The following FAM135A variants were observed in gnomAD, a reference collection of about 807,000 sequenced individuals.
FAM135A encodes the protein family with sequence similarity 135 member A.
Under a neutral mutation model 146.8 loss-of-function variants are expected in FAM135A, and 79 were observed. The ratio of observed to expected loss-of-function variants is 0.54; its 90% CI spans 0.45 to 0.65. The LOEUF (loss-of-function observed/expected upper bound fraction) is 0.65. Among genes scored for constraint, FAM135A ranks in the 30% least tolerant of loss-of-function variants. The probability of loss-of-function intolerance (pLI) is 0.00; values close to 1 mark genes in which losing one functional copy is unlikely to be tolerated. For synonymous variants in FAM135A, 562 were observed against 603.6 expected, an observed-to-expected ratio of 0.93 and a Z score of 1.01; for missense variants, 1,623 against 1,758.2, an observed-to-expected ratio of 0.92 and a Z score of 1.38.
intron 1 of FAM135A, among the ~76,000 whole-genome samples, chr6:70,414,811 A>G (rs1266039624): frequency 2.0e-5 from 3 of 152,238 alleles, no homozygotes; most frequent in Non-Finnish European, 4.4e-5. Context: ...TGGGAAAGCA[A>G]CTTGAGTACA....
rs186843489 is a variant in FAM135A at position 70,456,472 on chromosome 6, G to T, written c.157+3901G>T. 4.5e-4 allele frequency among the ~76,000 whole-genome samples: 69 copies of T among 152,180 alleles called. 1 individual carries two copies. Among genetic ancestry groups the T allele is most frequent in the Admixed American group, 3.8e-3 (58 of 15,294 alleles). On this transcript the variant is annotated intron_variant, in intron 5 of 21. Transcript: ENST00000418814. ...TCCAAATAATTACCTCAGAGGACTG[G>T]AAATTTTAACTGTGCTTGGTTATTA... is the stretch of plus-strand genomic sequence containing the variant.
rs151163273 is a variant in FAM135A, at chr6:70,436,528, T to C, written c.77+8109T>C. 3.1e-3 allele frequency among the ~76,000 whole-genome samples: 476 copies of C among 152,294 alleles called. 4 individuals are homozygous for C. Among genetic ancestry groups the C allele is most frequent in the African/African-American group, 0.011 (451 of 41,564 alleles). On this transcript the variant is annotated intron_variant, in intron 4 of 21. Coordinates refer to ENST00000418814, the MANE Select transcript of FAM135A (RefSeq NM_001162529.3). ...GGGTACATTTAGTCTGAATCAGCAG[T>C]TTACAGATGGAGTACAAGGGTATTG...
chr6:70,519,059 C>A (rs932000231), intron 12 of FAM135A, among the ~76,000 whole-genome samples: 1 of 152,160 alleles, frequency 6.6e-6, no homozygotes, highest in South Asian at 2.1e-4. Context: ...AAAAAATCAC[C>A]GTTGTAGATG....
intron 12 of FAM135A, among the ~76,000 whole-genome samples, chr6:70,518,206 G>C (rs1054642110): frequency 6.6e-6 from 1 of 152,218 alleles, no homozygotes; most frequent in Admixed American, 6.5e-5. Context: ...AAAAGATTGA[G>C]TGTTCTGGAT....
At chr6:70,434,163 C>G (rs1025163601) in intron 4 of FAM135A, among the ~76,000 whole-genome samples, 2 of 152,076 alleles carry the variant, frequency 1.3e-5, no homozygotes, top group African/African-American at 2.4e-5. Flanking sequence ...TGACTTCATT[C>G]AAAATACATT....
intron 2 of FAM135A, 150 bp downstream of exon 2, chr6:70,415,526 G>A (rs1033988273): frequency 2.6e-5 from 4 of 152,190 alleles, no homozygotes; most frequent in African/African-American, 4.8e-5. Flanking sequence ...TAGCAATTGT[G>A]TATGGTAAGA....
chr6:70,546,538 C>T (rs1243942708), intron 20 of FAM135A, among the ~76,000 whole-genome samples: 1 of 152,034 alleles, frequency 6.6e-6, no homozygotes, highest in African/African-American at 2.4e-5. Context: ...GAAAGCTGTT[C>T]ATTATTTTAA....
intron 16 of FAM135A, among the ~76,000 whole-genome samples, chr6:70,532,699 A>G (rs1482632873): frequency 1.3e-5 from 2 of 152,194 alleles, no homozygotes; most frequent in African/African-American, 2.4e-5. Flanking sequence ...TTGGGAGGCC[A>G]AGGCCAGCGG....
intron 4 of FAM135A, among the ~76,000 whole-genome samples, chr6:70,450,024 T>C (rs1302250588): frequency 1.3e-5 from 2 of 152,208 alleles, no homozygotes. Flanking sequence ...GTTGAGCATT[T>C]TTTACATATC....
intron 5 of FAM135A, among the ~76,000 whole-genome samples, chr6:70,460,370 T>C (rs1314618651): frequency 2.0e-5 from 3 of 152,166 alleles, no homozygotes; most frequent in African/African-American, 7.2e-5. Flanking sequence ...AGTCCCACCA[T>C]TTTTTTCTTC....
chr6:70,478,894 A>C (rs191979635), intron 8 of FAM135A, among the ~76,000 whole-genome samples: 116 of 151,784 alleles, frequency 7.6e-4, no homozygotes, highest in Middle Eastern at 3.4e-3. Context: ...TCTGAAATAG[A>C]ATGTGTGAAT....
Position 70,501,339 on chromosome 6 carries a change from C to G in FAM135A, c.874-1297C>G, listed in dbSNP as rs550205163. 8.5e-5 allele frequency among the ~76,000 whole-genome samples: 13 copies of G among 152,180 alleles called. No homozygotes were observed. The South Asian group carries it at 2.7e-3, about 32-fold the overall frequency. ...AAAGCCTCAGTAATGGCAGACACCC[C>G]TCCCCTACCAAGCTTGATCTTCCCC... is the stretch of plus-strand genomic sequence containing the variant. On this transcript the variant is annotated intron_variant, in intron 11 of 21. Coordinates refer to ENST00000418814, the MANE Select transcript of FAM135A (RefSeq NM_001162529.3).
At chr6:70,528,565 A>G in intron 16 of FAM135A, 113 bp downstream of exon 16, 2 of 889,550 alleles carry the variant, frequency 2.2e-6, no homozygotes, top group African/African-American at 1.7e-5. Flanking sequence ...TAATTGCTTA[A>G]ATTAATTGAA....
At chr6:70,529,962 G>C (rs1185774090) in intron 16 of FAM135A, among the ~76,000 whole-genome samples, 2 of 152,174 alleles carry the variant, frequency 1.3e-5, no homozygotes, top group African/African-American at 4.8e-5. Flanking sequence ...TACTCCGGAG[G>C]CTGAGGCAGG....
chr6:70,465,427 A>T (rs796997382), intron 5 of FAM135A, among the ~76,000 whole-genome samples: 2 of 151,890 alleles, frequency 1.3e-5, no homozygotes, highest in Admixed American at 6.6e-5. Context: ...TATTTTTATT[A>T]TTTTTATTTT....
At chr6:70,441,333 A>G (rs1246747367) in intron 4 of FAM135A, among the ~76,000 whole-genome samples, 2 of 152,150 alleles carry the variant, frequency 1.3e-5, no homozygotes, top group Non-Finnish European at 2.9e-5. Flanking sequence ...GGTTGCTGTA[A>G]GCTGAGATGG....
intron 12 of FAM135A, among the ~76,000 whole-genome samples, chr6:70,518,093 A>G (rs117481755): frequency 0.012 from 1,822 of 152,328 alleles, 29 homozygotes; most frequent in Middle Eastern, 0.11. Context: ...CTCTTGCACC[A>G]GTTAGCCAAC....
intron 4 of FAM135A, among the ~76,000 whole-genome samples, chr6:70,436,064 G>A (rs1209836595): frequency 6.6e-6 from 1 of 151,964 alleles, no homozygotes; most frequent in Non-Finnish European, 1.5e-5. Context: ...GGTGCCTGCA[G>A]TCCCAACTAC....
chr6:70,538,418 A>G lies in FAM135A; in HGVS notation c.4228+17A>G. 2 of 1,362,138 alleles carry G rather than the reference A, an allele frequency of 1.5e-6. No homozygotes were observed. Among genetic ancestry groups the G allele is most frequent in the Non-Finnish European group, 1.9e-6 (2 of 1,029,810 alleles). 84.4% of individuals were successfully genotyped at this position (1,362,138 alleles called of 1,614,324 possible). On this transcript the variant is annotated intron_variant, in intron 20 of 21. Transcript: ENST00000418814. The stretch of plus-strand genomic sequence containing the variant: ...ACAAAGCAGGTAAGTATATAATAAC[A>G]GTTTGGAAAATATACATGTGAAAAC...
Sources: gnomAD v4.1 joint callset for allele counts (sites outside exome capture counted in the v4.1 genomes callset) on GRCh38, gnomAD v4.1.1 for gene constraint, MANE v1.5 for transcripts, NCBI Gene and HGNC (gene_info 2026-07-23, HGNC 2026-07-21) for gene names.